Variants in CBL observed in about 807,000 individuals in gnomAD.
The protein encoded by CBL is E3 ubiquitin-protein ligase CBL.
CBL carries 45 observed loss-of-function variants against 96.9 expected under a neutral mutation model. That is an observed-to-expected ratio of 0.46 (90% CI 0.37 to 0.60). CBL has a LOEUF of 0.60. Ranked by LOEUF, CBL falls within the 20% of genes least tolerant of loss-of-function variation. CBL has a pLI of 0.00. For missense variants in CBL, 1,024 were observed against 1,143.5 expected (o/e 0.90, Z 1.51); for synonymous variants, 420 against 426.8 (o/e 0.98, Z 0.20).
chr11:119,298,420 G>A lies in CBL; in HGVS notation c.2314G>A (p.Asp772Asn), dbSNP rs1950078039. Residue 772 changes from aspartate (D) to asparagine (N), a missense_variant, in exon 15 of 16, where the codon GAT becomes AAT. Asp to Asn is a conservative substitution (Grantham distance 23). Transcript: ENST00000264033. ...TGPEESENEDDGYDVPKPPVP... is the reference protein window; with the variant it reads ...TGPEESENEDNGYDVPKPPVP... ...TCCCGAGGAGTCAGAAAATGAGGAT[G>A]ATGGGTATGATGTCCCAAAGCCACC... is the stretch of plus-strand genomic sequence containing the variant. 1 of 1,614,206 alleles carries A rather than the reference G, an allele frequency of 6.2e-7. No individual in the cohort carries two copies.
At chr11:119,208,439 GGA>G (rs1949291411) in intron 1 of CBL, among the ~76,000 whole-genome samples, 1 of 150,790 alleles carries the variant, frequency 6.6e-6, no homozygotes, top group Non-Finnish European at 1.5e-5. Context: ...TACCCAGGCT[GGA>G]GTGCATGGTG....
rs553979171 is a variant in CBL at position 119,287,934 on chromosome 11, C to G, written c.2024C>G (p.Ser675Cys). ...KPSSSANAIY[S>C]LAARPLPVPK... ...TCCTCATCTGCCAATGCCATTTATT[C>G]TCTGGCTGCCAGGTAAGTCTGCTAA... Residue 675 changes from serine to cysteine, a missense_variant, in exon 12 of 16, where the codon TCT (serine) becomes TGT (cysteine). Physicochemically the swap from Ser to Cys is moderately radical, Grantham distance 112 (BLOSUM62 -1). Transcript: ENST00000264033. The G allele has an allele frequency of 2.2e-5, 35 of 1,611,676 alleles. No individual in the cohort carries two copies. The Admixed American group carries it at 4.5e-4, about 21-fold the overall frequency.
intron 2 of CBL, among the ~76,000 whole-genome samples, chr11:119,238,547 G>T (rs1473159836): frequency 6.6e-6 from 1 of 152,086 alleles, no homozygotes; most frequent in Non-Finnish European, 1.5e-5. Flanking sequence ...AGAGCAGCAG[G>T]GGCTGGGTGT....
chr11:119,206,946 G>A (rs1183542051), intron 1 of CBL, among the ~76,000 whole-genome samples: 3 of 152,064 alleles, frequency 2.0e-5, no homozygotes. Flanking sequence ...TTGGGGCTCT[G>A]TGCAGGGTGT....
At chr11:119,280,608 G>A (rs1166284589) in intron 9 of CBL, among the ~76,000 whole-genome samples, 1 of 151,760 alleles carries the variant, frequency 6.6e-6, no homozygotes, top group Non-Finnish European at 1.5e-5. Flanking sequence ...TTTTTTTAAG[G>A]TTTAAAAGAA....
chr11:119,242,699 G>A lies in CBL; in HGVS notation c.443+10004G>A, dbSNP rs78999123. The stretch of plus-strand genomic sequence containing the variant: ...TGAGGTGGGGAGGATCACTTGAGCC[G>A]CTGCACTATAGCCTTGGTGACTGAA... On this transcript the variant is annotated intron_variant, in intron 2 of 15. Coordinates refer to ENST00000264033, the MANE Select transcript of CBL (RefSeq NM_005188.4). 6.4e-4 allele frequency among the ~76,000 whole-genome samples: 94 copies of A among 145,754 alleles called. 1 individual carries two copies. The East Asian group carries it at 0.014, about 22-fold the overall frequency.
intron 2 of CBL, among the ~76,000 whole-genome samples, chr11:119,264,447 C>CTTCT (rs1555228887): frequency 0.012 from 1,472 of 125,594 alleles, 22 homozygotes; most frequent in African/African-American, 0.044. Context: ...TCTTCTTTCT[C>CTTCT]TTCTCTTCTC....
chr11:119,264,761 G>T (rs1949788448), intron 2 of CBL, among the ~76,000 whole-genome samples: 1 of 151,776 alleles, frequency 6.6e-6, no homozygotes, highest in Non-Finnish European at 1.5e-5. Context: ...GGGATTACAG[G>T]CATAAGGCAC....
chr11:119,220,623 T>C (rs1434029995), intron 1 of CBL, among the ~76,000 whole-genome samples: 2 of 152,110 alleles, frequency 1.3e-5, no homozygotes, highest in East Asian at 3.9e-4. Context: ...AAAATCCATA[T>C]ATAAAAACTG....
At chr11:119,258,989 T>A (rs1949732489) in intron 2 of CBL, among the ~76,000 whole-genome samples, 2 of 152,228 alleles carry the variant, frequency 1.3e-5, no homozygotes, top group South Asian at 4.1e-4. Flanking sequence ...TAGAGATCTT[T>A]CATCTCCTTG....
chr11:119,255,409 A>G (rs766105557), intron 2 of CBL, among the ~76,000 whole-genome samples: 1 of 152,134 alleles, frequency 6.6e-6, no homozygotes, highest in Non-Finnish European at 1.5e-5. Flanking sequence ...TGGAGATAAA[A>G]AGCTGTTGGC....
chr11:119,287,320 A>AT (rs1834567972), intron 11 of CBL, among the ~76,000 whole-genome samples: 1 of 152,238 alleles, frequency 6.6e-6, no homozygotes, highest in African/African-American at 2.4e-5. Flanking sequence ...TGCATTTGAA[A>AT]TGAGCAGTTG....
Position 119,291,641 on chromosome 11 carries a change from G to A in CBL, c.2036+3695G>A, listed in dbSNP as rs532671657. Reference sequence around the variant, plus strand: ...GCGGATCACCTAAGCCCAGAAGGTCGAGGCTGTAGTGCGCCATGATTGTGC... The same window carrying A: ...GCGGATCACCTAAGCCCAGAAGGTCAAGGCTGTAGTGCGCCATGATTGTGC... On this transcript the variant is annotated intron_variant, in intron 12 of 15. Coordinates refer to ENST00000264033, the MANE Select transcript of CBL (RefSeq NM_005188.4). Among the ~76,000 whole-genome samples the A allele has an allele frequency of 2.9e-4, 44 of 152,314 alleles. 1 individual carries two copies. The South Asian group carries it at 8.5e-3, about 29-fold the overall frequency.
rs114622016 is a variant in CBL, at chr11:119,271,106, A to C, written c.444-629A>C. Among the ~76,000 whole-genome samples the C allele has an allele frequency of 8.4e-3, 1,281 of 152,320 alleles. 26 individuals carry two copies. Among genetic ancestry groups the C allele is most frequent in the African/African-American group, 0.027 (1,111 of 41,558 alleles). ...TGGATACTTAAAAATTCTTTTAATT[A>C]AGACTTATTTATCTTTTATTTAGAT... On this transcript the variant is annotated intron_variant, in intron 2 of 15. Coordinates refer to ENST00000264033, the MANE Select transcript of CBL (RefSeq NM_005188.4).
At chr11:119,269,991 C>T (rs1032419320) in intron 2 of CBL, among the ~76,000 whole-genome samples, 1 of 144,998 alleles carries the variant, frequency 6.9e-6, no homozygotes, top group African/African-American at 2.5e-5. Flanking sequence ...AGCGAGACTC[C>T]GTCTCAAAAT....
In CBL at chr11:119,299,966, T is replaced by C; in HGVS notation, c.*185T>C. 1.5e-6 allele frequency: 1 copy of C among 675,154 alleles called. No homozygotes were observed. The highest frequency in any genetic ancestry group is 1.7e-5 in the South Asian group (1 of 58,360). 41.8% of individuals were successfully genotyped at this position (675,154 alleles called of 1,614,324 possible). A position where few individuals can be genotyped will look rare whatever the true frequency, so the allele number is the denominator to read the frequency against. On this transcript the variant is annotated 3_prime_UTR_variant, in exon 16 of 16. Transcript: ENST00000264033. ...AATGAAAATGGAGCAGCTAGTATGT[T>C]TTATTATTTTATGGGTCTTGAGTGC... is the stretch of plus-strand genomic sequence containing the variant.
intron 9 of CBL, among the ~76,000 whole-genome samples, chr11:119,280,556 T>A (rs908551145): frequency 2.0e-5 from 3 of 152,210 alleles, no homozygotes; most frequent in Non-Finnish European, 2.9e-5. Flanking sequence ...TGATTTTTTT[T>A]AATATACTGA....
At chr11:119,284,866 G>GT in intron 9 of CBL, 103 bp from the exon 10 acceptor site, 1 of 1,418,364 alleles carries the variant, frequency 7.1e-7, no homozygotes, top group East Asian at 2.3e-5. Flanking sequence ...CCCATTTGTA[G>GT]TTTAAGTGTT....
intron 2 of CBL, among the ~76,000 whole-genome samples, chr11:119,265,299 A>G (rs1019987548): frequency 2.0e-5 from 3 of 152,130 alleles, no homozygotes; most frequent in East Asian, 3.9e-4. Flanking sequence ...ATGATTTTTG[A>G]TATTTCTGTG....
Sources: gnomAD v4.1 joint callset for allele counts (sites outside exome capture counted in the v4.1 genomes callset) on GRCh38, gnomAD v4.1.1 for gene constraint, MANE v1.5 for transcripts, NCBI Gene and HGNC (gene_info 2026-07-23, HGNC 2026-07-21) for gene names.